The following CTTNBP2 variants were observed in gnomAD, a reference collection of about 807,000 sequenced individuals.
CTTNBP2 encodes cortactin binding protein 2, also known as cortactin-binding protein 2.
In CTTNBP2, 108 loss-of-function variants were observed where a neutral mutation model predicts 156.9. The ratio of observed to expected loss-of-function variants is 0.69; its 90% CI spans 0.59 to 0.81. CTTNBP2 has a LOEUF of 0.81. Ranked by LOEUF, CTTNBP2 falls within the 30% of genes least tolerant of loss-of-function variation. CTTNBP2 has a pLI of 0.00. For missense variants in CTTNBP2, 1,924 were observed against 2,035.4 expected (o/e 0.95, Z 1.05); for synonymous variants, 767 against 751.8 (o/e 1.02, Z -0.33).
intron 2 of CTTNBP2, among the ~76,000 whole-genome samples, chr7:117,812,310 TAA>T (rs950662088): frequency 6.6e-6 from 1 of 152,144 alleles, no homozygotes; most frequent in South Asian, 2.1e-4. Context: ...TCACTGCCAG[TAA>T]AAAAATTAAG....
intron 1 of CTTNBP2, among the ~76,000 whole-genome samples, chr7:117,870,235 T>G (rs532544403): frequency 2.6e-5 from 4 of 152,234 alleles, no homozygotes. Context: ...ATACTCATGA[T>G]GCCTGTATCT....
At chr7:117,816,812 G>A (rs1800603894) in intron 2 of CTTNBP2, among the ~76,000 whole-genome samples, 1 of 152,060 alleles carries the variant, frequency 6.6e-6, no homozygotes, top group African/African-American at 2.4e-5. Flanking sequence ...AATAGGTAAG[G>A]AGACCATGTA....
chr7:117,813,472 C>T (rs1462924036), intron 2 of CTTNBP2, among the ~76,000 whole-genome samples: 1 of 152,166 alleles, frequency 6.6e-6, no homozygotes, highest in Admixed American at 6.5e-5. Context: ...TTGGAATCCA[C>T]CTTTTGACAA....
chr7:117,767,323 G>A, intron 8 of CTTNBP2, 147 bp from the exon 9 acceptor site: 1 of 602,104 alleles, frequency 1.7e-6, no homozygotes, highest in Non-Finnish European at 3.0e-6. Context: ...CCAATATACA[G>A]ATTAATCTTA....
intron 12 of CTTNBP2, among the ~76,000 whole-genome samples, chr7:117,747,134 C>T (rs1294395100): frequency 6.6e-6 from 1 of 152,164 alleles, no homozygotes; most frequent in East Asian, 1.9e-4. Context: ...AGGTGAGGGT[C>T]CAACCTAACT....
intron 22 of CTTNBP2, among the ~76,000 whole-genome samples, chr7:117,717,341 A>G (rs573798835): frequency 8.6e-5 from 13 of 151,854 alleles, no homozygotes; most frequent in South Asian, 2.1e-4. Context: ...TTTGCAATGT[A>G]TAAGACCTTT....
chr7:117,765,243 C>G (rs1194379198), intron 9 of CTTNBP2, among the ~76,000 whole-genome samples: 1 of 152,166 alleles, frequency 6.6e-6, no homozygotes, highest in Non-Finnish European at 1.5e-5. Flanking sequence ...GCCCCACTTA[C>G]TTTCTATAGT....
intron 16 of CTTNBP2, among the ~76,000 whole-genome samples, chr7:117,731,399 T>C (rs1354950832): frequency 6.6e-6 from 1 of 152,150 alleles, no homozygotes; most frequent in Admixed American, 6.5e-5. Context: ...GCCTCCTGAA[T>C]AAAAACTGTC....
At chr7:117,872,021 G>A in intron 1 of CTTNBP2, 1 of 947,100 alleles carries the variant, frequency 1.1e-6, no homozygotes, top group Non-Finnish European at 1.3e-6. Flanking sequence ...AAGTGGGCAG[G>A]TTTCGTTTGA....
At chr7:117,817,055 C>T (rs1296340821) in intron 2 of CTTNBP2, among the ~76,000 whole-genome samples, 5 of 151,624 alleles carry the variant, frequency 3.3e-5, no homozygotes, top group African/African-American at 7.3e-5. Context: ...AATATAATTT[C>T]GGCCGGGTGT....
intron 10 of CTTNBP2, among the ~76,000 whole-genome samples, chr7:117,758,644 T>G (rs1797019715): frequency 1.3e-5 from 2 of 152,234 alleles, no homozygotes; most frequent in South Asian, 4.1e-4. Context: ...TGCGTTTATC[T>G]GCTGACCTGA....
chr7:117,871,263 T>C (rs553027319), intron 1 of CTTNBP2, among the ~76,000 whole-genome samples: 9 of 152,198 alleles, frequency 5.9e-5, no homozygotes, highest in Non-Finnish European at 1.2e-4. Context: ...AATCAGTCTA[T>C]AGGTCAAGCG....
intron 16 of CTTNBP2, among the ~76,000 whole-genome samples, chr7:117,730,324 C>T (rs1795334616): frequency 6.6e-6 from 1 of 152,150 alleles, no homozygotes; most frequent in Non-Finnish European, 1.5e-5. Context: ...GTACTCTTCC[C>T]AACTTCCGCC....
chr7:117,721,260 G>T, intron 19 of CTTNBP2, 130 bp from the exon 20 acceptor site: 1 of 650,466 alleles, frequency 1.5e-6, no homozygotes. Flanking sequence ...CAGGATTTGA[G>T]GAGATTTTCC....
Position 117,746,165 on chromosome 7 carries a change from A to G in CTTNBP2, c.3349-66T>C, listed in dbSNP as rs1249494787. The stretch of plus-strand genomic sequence containing the variant: ...AATTGATGAGAGAAAAAAGTGGTAC[A>G]CAGGTGTGGAATTCTTTTTTGATTG... On this transcript the variant is annotated intron_variant, in intron 12 of 22. Transcript: ENST00000160373. 3.8e-6 allele frequency: 4 copies of G among 1,054,936 alleles called. No individual in the cohort carries two copies. In the East Asian group the frequency reaches 9.5e-5, roughly 25 times the overall value. 65.3% of individuals were successfully genotyped at this position (1,054,936 alleles called of 1,614,324 possible). A position where few individuals can be genotyped will look rare whatever the true frequency, so the allele number is the denominator to read the frequency against.
At position 117,817,387 on chromosome 7, in the gene CTTNBP2, T is replaced by TATATATATATATATATATATATAA. The variant is rs1563037916; in HGVS notation, c.190-6399_190-6398insTTATATATATATATATATATATAT. 2.6e-5 allele frequency among the ~76,000 whole-genome samples: 3 copies of TATATATATATATATATATATATAA among 116,110 alleles called. No homozygotes were observed. The East Asian group carries it at 7.9e-4, about 30-fold the overall frequency. 76.2% of individuals were successfully genotyped at this position (116,110 alleles called of 152,430 possible). On this transcript the variant is annotated intron_variant, in intron 2 of 22. Coordinates refer to ENST00000160373, the MANE Select transcript of CTTNBP2 (RefSeq NM_033427.3). The stretch of plus-strand genomic sequence containing the variant: ...ATATATATATATATATATATATATA[T>TATATATATATATATATATATATAA]AATTTCATCAGAATGTGAAGTTTTA...
chr7:117,763,043 A>G (rs1448213553), intron 9 of CTTNBP2, among the ~76,000 whole-genome samples: 1 of 152,218 alleles, frequency 6.6e-6, no homozygotes, highest in East Asian at 1.9e-4. Context: ...CCATTTTAAA[A>G]GCTGAAACAC....
intron 14 of CTTNBP2, among the ~76,000 whole-genome samples, chr7:117,740,853 CT>C (rs1363284977): frequency 6.6e-6 from 1 of 152,132 alleles, no homozygotes; most frequent in Non-Finnish European, 1.5e-5. Flanking sequence ...CTCTGGTGTC[CT>C]TGTTGATTCT....
At chr7:117,729,898 G>A (rs1795311771) in intron 16 of CTTNBP2, among the ~76,000 whole-genome samples, 1 of 152,214 alleles carries the variant, frequency 6.6e-6, no homozygotes, top group Non-Finnish European at 1.5e-5. Context: ...CATGGTATTG[G>A]TGAGGGGAGG....
Sources: allele counts gnomAD v4.1 joint callset (sites outside exome capture counted in the v4.1 genomes callset), GRCh38; gene constraint gnomAD v4.1.1; transcripts MANE v1.5; gene names NCBI Gene and HGNC (gene_info 2026-07-23, HGNC 2026-07-21).